The following MLLT10 variants were observed in gnomAD, a reference collection of about 807,000 sequenced individuals.
MLLT10 encodes the protein protein AF-10.
A neutral mutation model predicts 129.1 loss-of-function variants in MLLT10; 30 were observed. The ratio of observed to expected loss-of-function variants is 0.23; its 90% CI spans 0.17 to 0.32. The LOEUF is 0.32. MLLT10 is among the 10% of genes least tolerant of loss of function. The pLI is 1.00. For synonymous variants in MLLT10, 490 were observed against 446.4 expected, an observed-to-expected ratio of 1.10 and a Z score of -1.23; for missense variants, 1,119 against 1,268.3, an observed-to-expected ratio of 0.88 and a Z score of 1.79.
At chr10:21,537,565 A>G (rs902435866) in intron 2 of MLLT10, among the ~76,000 whole-genome samples, 1 of 151,786 alleles carries the variant, frequency 6.6e-6, no homozygotes. Flanking sequence ...CCCAAGTTCA[A>G]GTGATTCTCC....
chr10:21,570,476 C>G (rs1028122500), intron 3 of MLLT10, among the ~76,000 whole-genome samples: 5 of 152,028 alleles, frequency 3.3e-5, no homozygotes, highest in Non-Finnish European at 5.9e-5. Context: ...GCCATGATTT[C>G]TAAAGACTTT....
At chr10:21,669,851 C>T (rs2051203453) in intron 9 of MLLT10, among the ~76,000 whole-genome samples, 1 of 152,088 alleles carries the variant, frequency 6.6e-6, no homozygotes, top group Admixed American at 6.5e-5. Context: ...GTTATAAAAT[C>T]TTACCTTTGC....
intron 8 of MLLT10, among the ~76,000 whole-genome samples, chr10:21,646,853 C>CT (rs1193229400): frequency 0.015 from 2,158 of 139,864 alleles, 33 homozygotes; most frequent in African/African-American, 0.038. Flanking sequence ...TGACTATTCC[C>CT]TTTTTTTTTT....
At chr10:21,620,307 A>G (rs1564521097) in intron 8 of MLLT10, among the ~76,000 whole-genome samples, 1 of 152,196 alleles carries the variant, frequency 6.6e-6, no homozygotes, top group Non-Finnish European at 1.5e-5. Flanking sequence ...TTGAAAGGTA[A>G]CGCTCATAAT....
chr10:21,601,604 AGCCTCAAACTGCTG>A (rs1175346243), intron 5 of MLLT10, among the ~76,000 whole-genome samples: 1 of 152,160 alleles, frequency 6.6e-6, no homozygotes, highest in African/African-American at 2.4e-5. Context: ...GTCTCACGAT[AGCCTCAAACTGCTG>A]GCCTCAAGCA....
chr10:21,586,848 T>C (rs763346201), intron 4 of MLLT10, among the ~76,000 whole-genome samples: 12 of 151,834 alleles, frequency 7.9e-5, no homozygotes, highest in Non-Finnish European at 1.3e-4. Context: ...GATTATACCA[T>C]TGCCCATTAG....
In MLLT10 at chr10:21,648,838, G is replaced by A. The variant is rs555606329; in HGVS notation, c.700-2835G>A. 8.5e-5 allele frequency among the ~76,000 whole-genome samples: 13 copies of A among 152,224 alleles called. No homozygotes were observed. In the East Asian group the frequency reaches 2.3e-3, roughly 27 times the overall value. On this transcript the variant is annotated intron_variant, in intron 8 of 22. Coordinates refer to ENST00000307729, the MANE Select transcript of MLLT10 (RefSeq NM_001195626.3). ...GGAGTAAAGGCAAGTCTTACGTGGC[G>A]GCAGGCAGGAGACAATGTGCAGGGG...
intron 9 of MLLT10, among the ~76,000 whole-genome samples, chr10:21,655,330 C>G (rs2049457592): frequency 6.6e-6 from 1 of 152,154 alleles, no homozygotes; most frequent in Non-Finnish European, 1.5e-5. Context: ...GGGCTGAATA[C>G]TAAGTATTTT....
chr10:21,662,546 C>G (rs2050318613), intron 9 of MLLT10, among the ~76,000 whole-genome samples: 1 of 152,000 alleles, frequency 6.6e-6, no homozygotes, highest in Non-Finnish European at 1.5e-5. Flanking sequence ...TGTTTTTGAT[C>G]TCTCTGGCAT....
intron 4 of MLLT10, among the ~76,000 whole-genome samples, chr10:21,594,327 A>ATCACC (rs2042806850): frequency 6.6e-6 from 1 of 151,892 alleles, no homozygotes; most frequent in South Asian, 2.1e-4. Context: ...AGGTGGGCGG[A>ATCACC]TCACCTGAGG....
chr10:21,708,634 A>C, intron 13 of MLLT10: 1 of 985,262 alleles, frequency 1.0e-6, no homozygotes, highest in Non-Finnish European at 1.2e-6. Context: ...ACTGGATTGC[A>C]CATTTAGCTG....
intron 5 of MLLT10, 106 bp downstream of exon 5, chr10:21,595,546 T>A: frequency 2.4e-6 from 2 of 829,590 alleles, no homozygotes; most frequent in Non-Finnish European, 3.6e-6. Flanking sequence ...CCAGGGAGAT[T>A]TGGAAAAAAA....
At chr10:21,690,386 A>C (rs919756332) in intron 13 of MLLT10, among the ~76,000 whole-genome samples, 2 of 152,254 alleles carry the variant, frequency 1.3e-5, no homozygotes, top group African/African-American at 4.8e-5. Context: ...AATTTGAATT[A>C]ATGAATTTTT....
intron 8 of MLLT10, among the ~76,000 whole-genome samples, chr10:21,620,463 C>T (rs1362253604): frequency 6.6e-6 from 1 of 151,994 alleles, no homozygotes; most frequent in Non-Finnish European, 1.5e-5. Flanking sequence ...ATAAACTTTT[C>T]GTAAGTTGAA....
Position 21,539,540 on chromosome 10 carries a change from G to A in MLLT10, c.240+628G>A, listed in dbSNP as rs184217317. Among the ~76,000 whole-genome samples, 5 of 151,830 alleles carry A rather than the reference G, an allele frequency of 3.3e-5. No individual in the cohort carries two copies. The East Asian group carries it at 9.7e-4, about 30-fold the overall frequency. The stretch of plus-strand genomic sequence containing the variant: ...TGTAATCCCAGCACTTTGGGAGGCC[G>A]AGGCGGGAGTATCTCGAGGTCAAAA... On this transcript the variant is annotated intron_variant, in intron 3 of 22. Coordinates refer to ENST00000307729, the MANE Select transcript of MLLT10 (RefSeq NM_001195626.3).
At chr10:21,644,038 C>T (rs2048257024) in intron 8 of MLLT10, among the ~76,000 whole-genome samples, 1 of 152,098 alleles carries the variant, frequency 6.6e-6, no homozygotes, top group Admixed American at 6.6e-5. Flanking sequence ...ATTTTGTTTA[C>T]TAATTCTGTA....
chr10:21,619,962 G>A (rs1471988760), intron 8 of MLLT10, among the ~76,000 whole-genome samples: 3 of 148,834 alleles, frequency 2.0e-5, no homozygotes, highest in African/African-American at 7.4e-5. Flanking sequence ...GCTTAGGCTG[G>A]AGTGTCGCCC....
intron 8 of MLLT10, among the ~76,000 whole-genome samples, chr10:21,646,056 T>C (rs1374797636): frequency 6.6e-6 from 1 of 152,122 alleles, no homozygotes; most frequent in Non-Finnish European, 1.5e-5. Context: ...AATACAAAAG[T>C]TAGCCAGACA....
intron 13 of MLLT10, among the ~76,000 whole-genome samples, chr10:21,689,661 A>ATAT (rs1382534644): frequency 1.1e-4 from 15 of 132,366 alleles, no homozygotes; most frequent in East Asian, 2.1e-4. Flanking sequence ...ATATATATAT[A>ATAT]TTTTTTTTTT....
Sources: gnomAD v4.1 joint callset for allele counts (sites outside exome capture counted in the v4.1 genomes callset) on GRCh38, gnomAD v4.1.1 for gene constraint, MANE v1.5 for transcripts, NCBI Gene and HGNC (gene_info 2026-07-23, HGNC 2026-07-21) for gene names.